The following SH3RF1 variants were observed in gnomAD, a reference collection of about 807,000 sequenced individuals.
The protein encoded by SH3RF1 is E3 ubiquitin-protein ligase SH3RF1.
Under a neutral mutation model 74.0 loss-of-function variants are expected in SH3RF1, and 32 were observed. The ratio of observed to expected loss-of-function variants is 0.43; its 90% confidence interval spans 0.33 to 0.58. The LOEUF (loss-of-function observed/expected upper bound fraction) is 0.58. Ranked by LOEUF, SH3RF1 falls within the 20% of genes least tolerant of loss-of-function variation. SH3RF1 has a pLI of 0.05. For synonymous variants in SH3RF1, 396 were observed against 439.6 expected (o/e 0.90, Z 1.24); for missense variants, 954 against 1,130.9 (o/e 0.84, Z 2.24).
At chr4:169,117,425 A>T (rs4074346) in intron 9 of SH3RF1, 98 bp downstream of exon 9, 621,831 of 1,524,772 alleles carry the variant, frequency 0.41, 129,561 homozygotes, top group African/African-American at 0.55. Flanking sequence ...TTCATTATTA[A>T]AATTACATCT....
chr4:169,260,896 T>C (rs1180773073), intron 2 of SH3RF1, among the ~76,000 whole-genome samples: 1 of 152,204 alleles, frequency 6.6e-6, no homozygotes, highest in Non-Finnish European at 1.5e-5. Flanking sequence ...TTCGGTATCT[T>C]TTCAGTAACT....
intron 2 of SH3RF1, among the ~76,000 whole-genome samples, chr4:169,252,047 A>G (rs895800749): frequency 1.3e-5 from 2 of 152,242 alleles, no homozygotes; most frequent in African/African-American, 2.4e-5. Context: ...GGACTCTGGT[A>G]TGTTCCGCAG....
chr4:169,151,731 G>A (rs1447313923), intron 4 of SH3RF1, among the ~76,000 whole-genome samples: 2 of 152,210 alleles, frequency 1.3e-5, no homozygotes, highest in African/African-American at 4.8e-5. Flanking sequence ...ATCTATAGCA[G>A]AGGAGCAAGT....
intron 4 of SH3RF1, among the ~76,000 whole-genome samples, chr4:169,141,989 T>C (rs1163344555): frequency 2.0e-5 from 3 of 152,146 alleles, no homozygotes; most frequent in Non-Finnish European, 4.4e-5. Flanking sequence ...ATTTTGTTTT[T>C]GTATTTTTTT....
intron 2 of SH3RF1, among the ~76,000 whole-genome samples, chr4:169,229,287 C>T (rs376269905): frequency 3.3e-5 from 5 of 152,076 alleles, no homozygotes; most frequent in African/African-American, 1.2e-4. Context: ...TCAAACTTAA[C>T]CCAATTCTCC....
chr4:169,255,622 TACACACACACACACACACAC>T (rs56229906), intron 2 of SH3RF1, among the ~76,000 whole-genome samples: 2 of 124,660 alleles, frequency 1.6e-5, no homozygotes, highest in Non-Finnish European at 3.4e-5. Flanking sequence ...CATACACACA[TACACACACACACACACACAC>T]ACACACACAC....
At chr4:169,212,740 C>T (rs528680163) in intron 2 of SH3RF1, among the ~76,000 whole-genome samples, 1 of 152,252 alleles carries the variant, frequency 6.6e-6, no homozygotes, top group South Asian at 2.1e-4. Flanking sequence ...ATCAGGGTTC[C>T]CTCTTGGTGT....
At chr4:169,100,183 A>G (rs1236299127) in intron 11 of SH3RF1, among the ~76,000 whole-genome samples, 1 of 152,066 alleles carries the variant, frequency 6.6e-6, no homozygotes, top group Non-Finnish European at 1.5e-5. Flanking sequence ...TTATATGAAC[A>G]GGGGTTTGGG....
intron 2 of SH3RF1, among the ~76,000 whole-genome samples, chr4:169,188,194 TG>T (rs1734641400): frequency 1.3e-5 from 2 of 152,234 alleles, no homozygotes; most frequent in Admixed American, 1.3e-4. Flanking sequence ...ACAAAGTTTT[TG>T]GTAATTTGTT....
chr4:169,252,377 A>G (rs1731119539), intron 2 of SH3RF1, among the ~76,000 whole-genome samples: 2 of 152,228 alleles, frequency 1.3e-5, no homozygotes. Flanking sequence ...TACTTTCTGG[A>G]GTCAGATATA....
At chr4:169,243,974 T>C (rs890136841) in intron 2 of SH3RF1, among the ~76,000 whole-genome samples, 13 of 152,196 alleles carry the variant, frequency 8.5e-5, no homozygotes, top group African/African-American at 3.1e-4. Context: ...CCAAAGTCAA[T>C]ATGTGAAGTC....
intron 4 of SH3RF1, among the ~76,000 whole-genome samples, chr4:169,138,896 T>C (rs762906763): frequency 1.3e-5 from 2 of 152,188 alleles, no homozygotes; most frequent in Non-Finnish European, 2.9e-5. Context: ...GGTGCTTCCT[T>C]TGTGTCTTTC....
At chr4:169,256,045 G>A (rs1446754278) in intron 2 of SH3RF1, among the ~76,000 whole-genome samples, 2 of 152,164 alleles carry the variant, frequency 1.3e-5, no homozygotes, top group Non-Finnish European at 2.9e-5. Flanking sequence ...TGAGACTATA[G>A]GCGTGAGCCA....
At chr4:169,115,650 G>A (rs1254296677) in intron 10 of SH3RF1, among the ~76,000 whole-genome samples, 1 of 152,112 alleles carries the variant, frequency 6.6e-6, no homozygotes, top group Non-Finnish European at 1.5e-5. Flanking sequence ...TAGAAATAAA[G>A]TGCACAGTTA....
In SH3RF1 at chr4:169,151,200, T is replaced by C. The variant is rs547631456; in HGVS notation, c.765+4280A>G. ...TGCAAAGACCCTGCGGAACCGGCCC[T>C]TGGGAGTTTGAATTCTAATGGGGAA... On this transcript the variant is annotated intron_variant, in intron 4 of 11. Transcript: ENST00000284637. Among the ~76,000 whole-genome samples the C allele has an allele frequency of 7.2e-5, 11 of 152,268 alleles. No individual in the cohort carries two copies. In the South Asian group the frequency reaches 2.3e-3, roughly 32 times the overall value.
chr4:169,223,768 C>T (rs926533276), intron 2 of SH3RF1, among the ~76,000 whole-genome samples: 2 of 152,062 alleles, frequency 1.3e-5, no homozygotes, highest in Non-Finnish European at 2.9e-5. Context: ...AGGGTAAGAG[C>T]ACAGTGGGTG....
intron 2 of SH3RF1, among the ~76,000 whole-genome samples, chr4:169,182,916 TGAAGACTTCCCAAAACTACTAAAG>T (rs1734536207): frequency 6.6e-6 from 1 of 151,858 alleles, no homozygotes; most frequent in African/African-American, 2.4e-5. Flanking sequence ...CTACTGAAGT[TGAAGACTTCCCAAAACTACTAAAG>T]GAAGACTGAA....
chr4:169,191,928 T>C (rs1295811824), intron 2 of SH3RF1, among the ~76,000 whole-genome samples: 2 of 152,060 alleles, frequency 1.3e-5, no homozygotes, highest in Non-Finnish European at 2.9e-5. Context: ...GATGTGAAAC[T>C]ATAAAAATTC....
chr4:169,205,426 T>C (rs1436599001), intron 2 of SH3RF1, among the ~76,000 whole-genome samples: 1 of 152,158 alleles, frequency 6.6e-6, no homozygotes, highest in African/African-American at 2.4e-5. Flanking sequence ...GCATGGCAAC[T>C]CTCCCAAGTG....
Sources: allele counts gnomAD v4.1 joint callset (sites outside exome capture counted in the v4.1 genomes callset), GRCh38; gene constraint gnomAD v4.1.1; transcripts MANE v1.5; gene names NCBI Gene and HGNC (gene_info 2026-07-23, HGNC 2026-07-21).